DNAH14: variants seen among roughly 807,000 people sequenced by gnomAD.
DNAH14 encodes axonemal beta dynein heavy chain 14.
Under a neutral mutation model 520.9 loss-of-function variants are expected in DNAH14, and 478 were observed. That is an observed-to-expected ratio of 0.92 (90% CI 0.85 to 0.99). The LOEUF (loss-of-function observed/expected upper bound fraction) is 0.99, where lower values mean the gene tolerates loss of function less well. Ranked by LOEUF, DNAH14 falls within the 50% of genes least tolerant of loss-of-function variation. The pLI is 0.00. For missense variants in DNAH14, 4,831 were observed against 5,234.5 expected, an observed-to-expected ratio of 0.92 and a Z score of 2.38; for synonymous variants, 1,581 against 1,757.2, an observed-to-expected ratio of 0.90 and a Z score of 2.51.
chr1:225,062,521 C>A (rs1465975095), intron 17 of DNAH14, among the ~76,000 whole-genome samples: 1 of 147,502 alleles, frequency 6.8e-6, no homozygotes, highest in Non-Finnish European at 1.5e-5. Context: ...ATTTTTAGGG[C>A]AGAGTCCTAT....
At chr1:225,034,371 G>C (rs1368733234) in intron 11 of DNAH14, among the ~76,000 whole-genome samples, 2 of 152,136 alleles carry the variant, frequency 1.3e-5, no homozygotes, top group African/African-American at 4.8e-5. Context: ...TTATTGATTT[G>C]TGTATGTTGA....
chr1:225,263,528 G>C (rs2149784974), intron 46 of DNAH14, among the ~76,000 whole-genome samples: 1 of 151,744 alleles, frequency 6.6e-6, no homozygotes, highest in South Asian at 2.1e-4. Context: ...AGTCATGTCT[G>C]TTCTATCTTC....
chr1:224,945,838 C>T (rs201108992), intron 1 of DNAH14, among the ~76,000 whole-genome samples: 556 of 152,218 alleles, frequency 3.7e-3, no homozygotes, highest in Non-Finnish European at 6.2e-3. Context: ...GCTGCCTGAT[C>T]GTTCCTCTGG....
chr1:225,143,527 A>G (rs1456045889), intron 28 of DNAH14, among the ~76,000 whole-genome samples: 3 of 152,192 alleles, frequency 2.0e-5, no homozygotes, highest in Non-Finnish European at 2.9e-5. Flanking sequence ...ACTACATGAT[A>G]GCATATGTTG....
intron 27 of DNAH14, among the ~76,000 whole-genome samples, chr1:225,131,942 A>C (rs2078465098): frequency 6.6e-6 from 1 of 152,276 alleles, no homozygotes; most frequent in East Asian, 1.9e-4. Context: ...GGACTGAAAA[A>C]GAGTGGCCAA....
At chr1:224,985,034 G>A (rs1271019410) in intron 8 of DNAH14, among the ~76,000 whole-genome samples, 3 of 152,100 alleles carry the variant, frequency 2.0e-5, no homozygotes, top group East Asian at 1.9e-4. Flanking sequence ...AAACTAGTAC[G>A]GCTGCTATGG....
intron 12 of DNAH14, among the ~76,000 whole-genome samples, chr1:225,040,143 G>A (rs2067342199): frequency 6.6e-6 from 1 of 151,812 alleles, no homozygotes; most frequent in Non-Finnish European, 1.5e-5. Context: ...GTTTCACCGT[G>A]TTAGCCAGGA....
intron 36 of DNAH14, among the ~76,000 whole-genome samples, chr1:225,172,264 A>G (rs147398192): frequency 0.6 from 90,855 of 151,914 alleles, 27,667 homozygotes; most frequent in East Asian, 0.84. Context: ...TCTGGCCAGG[A>G]TAATCAGGCA....
rs556717627 is a variant in DNAH14, at chr1:225,175,905, C to T, written c.5535+7877C>T. On this transcript the variant is annotated intron_variant, in intron 36 of 85. Coordinates refer to ENST00000682510, the MANE Select transcript of DNAH14 (RefSeq NM_001367479.1). Reference sequence around the variant, plus strand: ...TCCTGAGTAGCTGGGACTACAGGCACCCACCATGCCCGGCTAATTTTTGTA... The same window carrying T: ...TCCTGAGTAGCTGGGACTACAGGCATCCACCATGCCCGGCTAATTTTTGTA... Among the ~76,000 whole-genome samples the T allele has an allele frequency of 1.6e-4, 24 of 151,616 alleles. No homozygotes were observed. The South Asian group carries it at 5.0e-3, about 32-fold the overall frequency.
At chr1:225,193,191 G>T (rs1038204657) in intron 38 of DNAH14, among the ~76,000 whole-genome samples, 6 of 152,086 alleles carry the variant, frequency 3.9e-5, no homozygotes, top group Non-Finnish European at 7.4e-5. Flanking sequence ...ATGATCTAGT[G>T]ATTCCAGCAC....
In DNAH14 at chr1:225,191,105, C is replaced by A. The variant is rs759587020; in HGVS notation, c.5671-1591C>A. On this transcript the variant is annotated intron_variant, in intron 37 of 85. Transcript: ENST00000682510. ...TAGGAAAAAAAGAGGAGTTACAAATCAAAAATAAAGTAATAGTGGCTTTTA... is the reference window on the plus strand; with the variant it reads ...TAGGAAAAAAAGAGGAGTTACAAATAAAAAATAAAGTAATAGTGGCTTTTA... 2.9e-4 allele frequency among the ~76,000 whole-genome samples: 44 copies of A among 151,792 alleles called. 1 individual carries two copies. The highest frequency in any genetic ancestry group is 2.9e-4 in the Non-Finnish European group (20 of 67,880).
intron 8 of DNAH14, among the ~76,000 whole-genome samples, chr1:224,981,461 G>A (rs1182889811): frequency 6.6e-6 from 1 of 151,948 alleles, no homozygotes; most frequent in Non-Finnish European, 1.5e-5. Context: ...TTTCAATCTC[G>A]CTGCTTGTTA....
At chr1:224,994,709 T>C (rs1243772894) in intron 8 of DNAH14, among the ~76,000 whole-genome samples, 1 of 152,092 alleles carries the variant, frequency 6.6e-6, no homozygotes, top group Admixed American at 6.6e-5. Context: ...ACTGCTGTTT[T>C]GTTCATTGTT....
rs184990387 is a variant in DNAH14 at position 225,122,896 on chromosome 1, A to C, written c.4167-631A>C. Among the ~76,000 whole-genome samples the C allele has an allele frequency of 1.0e-3, 157 of 152,348 alleles. 1 individual carries two copies. In the East Asian group the frequency reaches 0.021, roughly 20 times the overall value. ...AATTTTAGAGTGATACCTAAGAAAG[A>C]AAGCCAAATTAGAAGAAAATAAAAT... On this transcript the variant is annotated intron_variant, in intron 26 of 85. Transcript: ENST00000682510.
chr1:225,156,709 C>CTTTTTTTTTTTTT (rs71170061), intron 34 of DNAH14, among the ~76,000 whole-genome samples: 1 of 68,164 alleles, frequency 1.5e-5, no homozygotes, highest in Non-Finnish European at 2.4e-5. Flanking sequence ...TCTTAAAATT[C>CTTTTTTTTTTTTT]TTTTTTTTTT....
chr1:224,992,092 A>G (rs1187842600), intron 8 of DNAH14, among the ~76,000 whole-genome samples: 1 of 151,986 alleles, frequency 6.6e-6, no homozygotes, highest in Non-Finnish European at 1.5e-5. Context: ...TTATTGGTAT[A>G]TATGTCTGAT....
intron 46 of DNAH14, among the ~76,000 whole-genome samples, chr1:225,261,668 C>A (rs1265731722): frequency 6.6e-6 from 1 of 151,890 alleles, no homozygotes; most frequent in Non-Finnish European, 1.5e-5. Flanking sequence ...ATTAGTTTGG[C>A]AGTATTCCCT....
At chr1:225,326,144 A>G (rs2094661830) in intron 64 of DNAH14, among the ~76,000 whole-genome samples, 1 of 152,190 alleles carries the variant, frequency 6.6e-6, no homozygotes, top group South Asian at 2.1e-4. Flanking sequence ...TTTAATCCTC[A>G]TGTAATCCTC....
chr1:225,290,628 T>A (rs2093847987), intron 55 of DNAH14, among the ~76,000 whole-genome samples: 1 of 74,920 alleles, frequency 1.3e-5, no homozygotes, highest in East Asian at 7.2e-4. Context: ...TGTGTATAGA[T>A]ATATGTGTGT....
Sources: allele counts gnomAD v4.1 joint callset (sites outside exome capture counted in the v4.1 genomes callset), GRCh38; gene constraint gnomAD v4.1.1; transcripts MANE v1.5; gene names NCBI Gene and HGNC (gene_info 2026-07-23, HGNC 2026-07-21).